The following AKT3 variants were observed in gnomAD, a reference collection of about 807,000 sequenced individuals.
AKT3 encodes AKT serine/threonine kinase 3.
In AKT3, 15 loss-of-function variants were observed where a neutral mutation model predicts 65.3. The observed-to-expected ratio is 0.23, with a 90% CI of 0.15 to 0.35. The LOEUF is 0.35. AKT3 is among the 10% of genes least tolerant of loss of function. AKT3 has a pLI of 1.00. For synonymous variants in AKT3, 206 were observed against 183.8 expected (o/e 1.12, Z -0.98); for missense variants, 243 against 576.5 (o/e 0.42, Z 5.92).
intron 6 of AKT3, among the ~76,000 whole-genome samples, chr1:243,621,958 T>C (rs975831555): frequency 6.6e-6 from 1 of 152,220 alleles, no homozygotes; most frequent in Non-Finnish European, 1.5e-5. Context: ...AGATTACTGC[T>C]GCAATTAGCA....
intron 1 of AKT3, among the ~76,000 whole-genome samples, chr1:243,845,225 A>G (rs1695461552): frequency 6.6e-6 from 1 of 151,696 alleles, no homozygotes; most frequent in Admixed American, 6.6e-5. Flanking sequence ...TATGTAGCTG[A>G]ATGCAAGACC....
chr1:243,573,139 T>C (rs1396564440), intron 8 of AKT3, 91 bp from the exon 9 acceptor site: 6 of 1,443,024 alleles, frequency 4.2e-6, no homozygotes, highest in African/African-American at 2.8e-5. Flanking sequence ...CATCACCATA[T>C]TGTGATGATA....
At chr1:243,699,654 G>C (rs1286540821) in intron 2 of AKT3, among the ~76,000 whole-genome samples, 1 of 151,606 alleles carries the variant, frequency 6.6e-6, no homozygotes, top group East Asian at 1.9e-4. Flanking sequence ...AGTGAGGTGA[G>C]TGGTGGACCC....
chr1:243,846,218 T>C (rs546574132), intron 1 of AKT3, among the ~76,000 whole-genome samples: 1 of 152,214 alleles, frequency 6.6e-6, no homozygotes, highest in Admixed American at 6.5e-5. Context: ...CTCCTTCCCC[T>C]CCCATCCCCT....
At chr1:243,735,225 A>G (rs1333633751) in intron 2 of AKT3, 6 of 152,350 alleles carry the variant, frequency 3.9e-5, no homozygotes, top group Non-Finnish European at 8.8e-5. Context: ...AGTACTATGT[A>G]CTGTATATAA....
intron 8 of AKT3, among the ~76,000 whole-genome samples, chr1:243,606,361 TG>T (rs1677418231): frequency 6.6e-6 from 1 of 152,228 alleles, no homozygotes; most frequent in Non-Finnish European, 1.5e-5. Flanking sequence ...GACAGTGATA[TG>T]GACAATAAAG....
chr1:243,632,324 T>C (rs1010977632), intron 6 of AKT3, among the ~76,000 whole-genome samples: 2 of 152,362 alleles, frequency 1.3e-5, no homozygotes, highest in East Asian at 1.9e-4. Context: ...ATTCATCTCC[T>C]TGTATATCTC....
chr1:243,847,441 A>G (rs919737937), intron 1 of AKT3, among the ~76,000 whole-genome samples: 4 of 152,232 alleles, frequency 2.6e-5, no homozygotes, highest in African/African-American at 4.8e-5. Context: ...AAACATAGCT[A>G]TCTTTTCACG....
At chr1:243,795,039 A>G (rs1183218652) in intron 2 of AKT3, among the ~76,000 whole-genome samples, 2 of 152,082 alleles carry the variant, frequency 1.3e-5, no homozygotes. Flanking sequence ...GTCTTCTCTG[A>G]TAATACTGGA....
chr1:243,845,098 A>G (rs1695455275), intron 1 of AKT3, among the ~76,000 whole-genome samples: 1 of 152,172 alleles, frequency 6.6e-6, no homozygotes, highest in Admixed American at 6.5e-5. Flanking sequence ...ACCTAGCGCT[A>G]AATTAGACTA....
intron 2 of AKT3, among the ~76,000 whole-genome samples, chr1:243,780,272 C>T (rs1277893308): frequency 6.6e-6 from 1 of 151,938 alleles, no homozygotes; most frequent in Non-Finnish European, 1.5e-5. Flanking sequence ...ATATGATGTG[C>T]CTCCTGATTA....
Position 243,826,668 on chromosome 1 carries a change from T to C in AKT3, c.46+16457A>G, listed in dbSNP as rs117849944. On this transcript the variant is annotated intron_variant, in intron 2 of 13. Transcript: ENST00000673466. ...CAAGCTAACGGTGATGAACCAGAGA[T>C]AGCTTCAATCTCTGATGATTCTATC... 2.6e-5 allele frequency among the ~76,000 whole-genome samples: 4 copies of C among 152,262 alleles called. No individual in the cohort carries two copies. In the East Asian group the frequency reaches 5.8e-4, roughly 22 times the overall value.
chr1:243,587,349 G>A (rs1257604336), intron 8 of AKT3, among the ~76,000 whole-genome samples: 3 of 152,214 alleles, frequency 2.0e-5, no homozygotes, highest in South Asian at 2.1e-4. Flanking sequence ...AGTGGCTCAC[G>A]CCTGTAATCC....
chr1:243,719,974 C>T (rs989240105), intron 2 of AKT3, among the ~76,000 whole-genome samples: 2 of 152,090 alleles, frequency 1.3e-5, no homozygotes, highest in African/African-American at 2.4e-5. Context: ...TACTTAATAA[C>T]CTTGGTGTTA....
At chr1:243,676,540 A>G (rs937873396) in intron 3 of AKT3, among the ~76,000 whole-genome samples, 1 of 152,188 alleles carries the variant, frequency 6.6e-6, no homozygotes, top group African/African-American at 2.4e-5. Context: ...CAAAACTAGC[A>G]TCTCCTTTGA....
intron 8 of AKT3, among the ~76,000 whole-genome samples, chr1:243,604,084 G>A (rs189914117): frequency 9.9e-5 from 15 of 151,878 alleles, no homozygotes; most frequent in Non-Finnish European, 1.8e-4. Flanking sequence ...TAGTACAGAC[G>A]GGGTTTCTCC....
chr1:243,572,962 A>G lies in AKT3; in HGVS notation c.783T>C (p.Tyr261=), dbSNP rs1188347614. 1 of 1,612,014 alleles carries G rather than the reference A, an allele frequency of 6.2e-7. No individual in the cohort carries two copies. Among genetic ancestry groups the G allele is most frequent in the Non-Finnish European group, 8.5e-7 (1 of 1,179,278 alleles). The change falls in exon 9 of 14, where the codon TAT becomes TAC. Residue 261 remains tyrosine (Y), a synonymous_variant. Coordinates refer to ENST00000673466, the MANE Select transcript of AKT3 (RefSeq NM_005465.7). ...YGAEIVSALD[Y]LHSGKIVYRD... is the part of the protein sequence containing the mutation. The stretch of plus-strand genomic sequence containing the variant: ...GGTACACAATCTTTCCGGAATGTAG[A>G]TAGTCCAAGGCAGAGACAATTTCTG...
intron 8 of AKT3, among the ~76,000 whole-genome samples, chr1:243,609,366 GTA>G (rs1553414290): frequency 7.1e-6 from 1 of 141,620 alleles, no homozygotes; most frequent in Non-Finnish European, 1.6e-5. Flanking sequence ...GTGTGTGTGT[GTA>G]CCAACACTGT....
intron 2 of AKT3, among the ~76,000 whole-genome samples, chr1:243,783,933 T>C (rs1375849722): frequency 6.6e-6 from 1 of 152,138 alleles, no homozygotes; most frequent in African/African-American, 2.4e-5. Flanking sequence ...ATCCAAAAAA[T>C]ACCTGTTGAA....
Sources: allele counts gnomAD v4.1 joint callset (sites outside exome capture counted in the v4.1 genomes callset), GRCh38; gene constraint gnomAD v4.1.1; transcripts MANE v1.5; gene names NCBI Gene and HGNC (gene_info 2026-07-23, HGNC 2026-07-21).